The following RBFOX1 variants were observed in gnomAD, a reference collection of about 807,000 sequenced individuals.
RBFOX1 encodes RNA binding fox-1 homolog 1.
RBFOX1 carries 8 observed loss-of-function variants against 57.7 expected under a neutral mutation model. The observed-to-expected ratio is 0.14, with a 90% confidence interval of 0.08 to 0.25. RBFOX1 has a LOEUF of 0.25. Ranked by LOEUF, RBFOX1 falls within the 10% of genes least tolerant of loss-of-function variation. RBFOX1 has a pLI of 1.00. For synonymous variants in RBFOX1, 326 were observed against 222.4 expected (o/e 1.47, Z -4.15); for missense variants, 611 against 548.5 (o/e 1.11, Z -1.14).
intron 2 of RBFOX1, among the ~76,000 whole-genome samples, chr16:5,502,683 A>T (rs1037495642): frequency 1.3e-5 from 2 of 152,172 alleles, no homozygotes; most frequent in East Asian, 3.9e-4. Flanking sequence ...TAGAACAGGC[A>T]GCAACCATAT....
intron 1 of RBFOX1, among the ~76,000 whole-genome samples, chr16:6,107,259 A>G (rs2096392524): frequency 3.3e-5 from 5 of 151,966 alleles, no homozygotes; most frequent in African/African-American, 4.8e-5. Context: ...TGATATCTAT[A>G]GTAGGTCTGC....
At chr16:6,561,088 T>C (rs973099105) in intron 2 of RBFOX1, among the ~76,000 whole-genome samples, 12 of 152,184 alleles carry the variant, frequency 7.9e-5, no homozygotes, top group Non-Finnish European at 1.3e-4. Context: ...TTTTCATTAG[T>C]GCTGTTTTAA....
chr16:5,601,708 G>C (rs183356461), downstream of RBFOX1: 2 of 152,294 alleles, frequency 1.3e-5, no homozygotes, highest in Non-Finnish European at 2.9e-5. Context: ...TTGCAGATGG[G>C]GAAATGAGGC....
chr16:6,809,458 C>G (rs755524563), intron 3 of RBFOX1, among the ~76,000 whole-genome samples: 24 of 151,998 alleles, frequency 1.6e-4, no homozygotes, highest in Admixed American at 8.5e-4. Context: ...TATGGGGTAC[C>G]TGAGATACAA....
At chr16:6,720,332 C>G (rs183618073) in intron 3 of RBFOX1, among the ~76,000 whole-genome samples, 1 of 152,238 alleles carries the variant, frequency 6.6e-6, no homozygotes, top group East Asian at 1.9e-4. Flanking sequence ...CTTTTGCCTT[C>G]TGCCCTAATT....
intron 3 of RBFOX1, among the ~76,000 whole-genome samples, chr16:5,848,868 G>T (rs2056820442): frequency 6.6e-6 from 1 of 152,060 alleles, no homozygotes; most frequent in Non-Finnish European, 1.5e-5. Context: ...AGAATCACTT[G>T]AATCTGGGAG....
At chr16:6,235,149 G>A (rs1187506931) in intron 1 of RBFOX1, among the ~76,000 whole-genome samples, 1 of 152,118 alleles carries the variant, frequency 6.6e-6, no homozygotes, top group African/African-American at 2.4e-5. Flanking sequence ...TTATTGGCCT[G>A]AAATTCTTGT....
At chr16:6,397,940 A>C (rs1157976682) in intron 2 of RBFOX1, among the ~76,000 whole-genome samples, 1 of 152,226 alleles carries the variant, frequency 6.6e-6, no homozygotes, top group Non-Finnish European at 1.5e-5. Context: ...ACCCAAAATG[A>C]GACTGAAAAA....
At chr16:6,494,059 T>C (rs7206104) in intron 2 of RBFOX1, among the ~76,000 whole-genome samples, 19,917 of 151,676 alleles carry the variant, frequency 0.13, 2,065 homozygotes, top group East Asian at 0.43. Flanking sequence ...GCAATGTTCT[T>C]AATTGAAATT....
intron 2 of RBFOX1, among the ~76,000 whole-genome samples, chr16:6,413,640 C>T (rs895820505): frequency 6.6e-6 from 1 of 152,134 alleles, no homozygotes; most frequent in African/African-American, 2.4e-5. Context: ...TGAAAAGATT[C>T]TAAATAAAGA....
At position 6,914,823 on chromosome 16, in the gene RBFOX1, G is replaced by C. The variant is rs910446426; in HGVS notation, c.-15-137234G>C. ...AGATCGCTGAAGCCCAGGAGTTCAAGGCTGCACTGAGCCAAGATCGCAACA... is the reference window on the plus strand; with the variant it reads ...AGATCGCTGAAGCCCAGGAGTTCAACGCTGCACTGAGCCAAGATCGCAACA... On this transcript the variant is annotated intron_variant, in intron 3 of 15. Transcript: ENST00000550418. Among the ~76,000 whole-genome samples the C allele has an allele frequency of 2.0e-5, 3 of 152,220 alleles. No homozygotes were observed. In the East Asian group the frequency reaches 5.8e-4, roughly 29 times the overall value.
intron 4 of RBFOX1, among the ~76,000 whole-genome samples, chr16:7,422,420 T>A (rs1413945154): frequency 6.6e-6 from 1 of 152,112 alleles, no homozygotes; most frequent in Non-Finnish European, 1.5e-5. Context: ...GCTGCCAACA[T>A]TACCTGCATT....
At chr16:6,834,283 C>G (rs1043760799) in intron 3 of RBFOX1, among the ~76,000 whole-genome samples, 4 of 152,140 alleles carry the variant, frequency 2.6e-5, no homozygotes, top group African/African-American at 9.6e-5. Context: ...ACCACGTTGG[C>G]CAGGCTGGTC....
chr16:6,347,154 TG>T (rs976160713), intron 2 of RBFOX1, among the ~76,000 whole-genome samples: 6 of 152,214 alleles, frequency 3.9e-5, no homozygotes, highest in Admixed American at 3.9e-4. Context: ...GTTCCTGGAA[TG>T]GGCAATAAAG....
chr16:7,702,170 G>C (rs1269094559), intron 14 of RBFOX1, among the ~76,000 whole-genome samples: 2 of 152,206 alleles, frequency 1.3e-5, no homozygotes, highest in Non-Finnish European at 1.5e-5. Context: ...TCTGCGATTT[G>C]AAAATGGAGA....
chr16:7,663,680 C>T (rs973742150), intron 12 of RBFOX1, among the ~76,000 whole-genome samples: 4 of 152,008 alleles, frequency 2.6e-5, no homozygotes, highest in Non-Finnish European at 4.4e-5. Context: ...GGTCCTTTGC[C>T]AGAATCATAA....
At chr16:6,069,892 C>T (rs907861985) in intron 1 of RBFOX1, among the ~76,000 whole-genome samples, 3 of 152,056 alleles carry the variant, frequency 2.0e-5, no homozygotes, top group Admixed American at 6.6e-5. Context: ...GAGGCTGAGG[C>T]AGGAGAATCA....
intron 3 of RBFOX1, among the ~76,000 whole-genome samples, chr16:5,847,877 C>G (rs1400636209): frequency 6.6e-6 from 1 of 151,706 alleles, no homozygotes; most frequent in Non-Finnish European, 1.5e-5. Context: ...TAGTCATTAG[C>G]ATTGCCAACA....
intron 2 of RBFOX1, among the ~76,000 whole-genome samples, chr16:6,389,153 G>C (rs573181487): frequency 9.8e-5 from 15 of 152,286 alleles, no homozygotes; most frequent in African/African-American, 3.1e-4. Context: ...CAGTTCATGA[G>C]GAGGACTCAG....
Sources: gnomAD v4.1 joint callset for allele counts (sites outside exome capture counted in the v4.1 genomes callset) on GRCh38, gnomAD v4.1.1 for gene constraint, MANE v1.5 for transcripts, NCBI Gene and HGNC (gene_info 2026-07-23, HGNC 2026-07-21) for gene names.